The following BMS1 variants were observed in gnomAD, a reference collection of about 807,000 sequenced individuals.
BMS1 encodes the protein BMS1 ribosome biogenesis factor.
Under a neutral mutation model 138.7 loss-of-function variants are expected in BMS1, and 53 were observed. That is an observed-to-expected ratio of 0.38 (90% CI 0.31 to 0.48). The LOEUF (loss-of-function observed/expected upper bound fraction) is 0.48, where lower values mean the gene tolerates loss of function less well. BMS1 is among the 20% of genes least tolerant of loss of function. The probability of loss-of-function intolerance (pLI) is 0.97; values close to 1 mark genes in which losing one functional copy is unlikely to be tolerated. For synonymous variants in BMS1, 504 were observed against 539.9 expected (o/e 0.93, Z 0.92); for missense variants, 1,360 against 1,565.5 (o/e 0.87, Z 2.22).
In BMS1 at chr10:42,833,198, C is replaced by A. The variant is rs1223492792; in HGVS notation, c.*2102C>A. 6 of 152,158 alleles carry A rather than the reference C, an allele frequency of 3.9e-5. No homozygotes were observed. Among genetic ancestry groups the A allele is most frequent in the Admixed American group, 6.5e-5 (1 of 15,276 alleles). The allele number at this position is 152,158 out of a possible 1,614,324, so 9.4% of individuals were successfully genotyped here. On this transcript the variant is annotated 3_prime_UTR_variant, in exon 23 of 23. Coordinates refer to ENST00000374518, the MANE Select transcript of BMS1 (RefSeq NM_014753.4). ...ACTCATACCTGTTAATATTAAAAAT[C>A]TTGGTTTATCATATTTGGAGAACAA...
intron 18 of BMS1, among the ~76,000 whole-genome samples, 198 bp downstream of exon 18, chr10:42,821,190 T>C (rs547039758): frequency 5.9e-4 from 90 of 152,326 alleles, no homozygotes; most frequent in African/African-American, 2.0e-3. Context: ...AGAATTATAA[T>C]GGTACATTTC....
Position 42,820,987 on chromosome 10 carries a change from A to C in BMS1, c.3004A>C (p.Ile1002Leu). 1 of 1,581,314 alleles carries C rather than the reference A, an allele frequency of 6.3e-7. No individual in the cohort carries two copies. Among genetic ancestry groups the C allele is most frequent in the African/African-American group, 1.3e-5 (1 of 74,496 alleles). ...CTTGGCAATACAGTCTGTCAGTGGC[A>C]TAATGGTAACTATCTTGGATGATTT... is the stretch of plus-strand genomic sequence containing the variant. ...GFLAIQSVSG[I>L]MPDFRIAATG... The change falls in exon 18 of 23, where the codon ATA becomes CTA. Residue 1002 changes from isoleucine to leucine, a missense_variant. Physicochemically the swap from Ile to Leu is conservative, Grantham distance 5. Transcript: ENST00000374518.
chr10:42,789,920 T>G (rs192153314), intron 4 of BMS1, among the ~76,000 whole-genome samples: 2 of 152,358 alleles, frequency 1.3e-5, no homozygotes, highest in African/African-American at 4.8e-5. Flanking sequence ...TTTTCTGAGT[T>G]ACTTCTCATA....
intron 15 of BMS1, among the ~76,000 whole-genome samples, chr10:42,818,372 A>G (rs1842408995): frequency 6.6e-6 from 1 of 152,188 alleles, no homozygotes; most frequent in East Asian, 1.9e-4. Flanking sequence ...TCACTCTGAA[A>G]TGGGAGTCCT....
At chr10:42,796,349 T>A in intron 9 of BMS1, 125 bp from the exon 10 acceptor site, 3 of 1,136,892 alleles carry the variant, frequency 2.6e-6, no homozygotes, top group Non-Finnish European at 3.7e-6. Flanking sequence ...TTCCCTATGC[T>A]ATGTCATCTT....
At position 42,832,389 on chromosome 10, in the gene BMS1, C is replaced by G. The variant is rs952541985; in HGVS notation, c.*1293C>G. The G allele has an allele frequency of 2.7e-5, 4 of 150,386 alleles. No individual in the cohort carries two copies. The highest frequency in any genetic ancestry group is 9.8e-5 in the African/African-American group (4 of 40,618). The allele number at this position is 150,386 out of a possible 1,614,324, so 9.3% of individuals were successfully genotyped here. On this transcript the variant is annotated 3_prime_UTR_variant, in exon 23 of 23. Transcript: ENST00000374518. Reference sequence around the variant, plus strand: ...GCAGTGAGCCATGATAGCACCACTGCACTCCAGCCTGGGCGACAGGGCAAG... The same window carrying G: ...GCAGTGAGCCATGATAGCACCACTGGACTCCAGCCTGGGCGACAGGGCAAG...
intron 4 of BMS1, among the ~76,000 whole-genome samples, chr10:42,788,991 G>T (rs1841423294): frequency 6.6e-6 from 1 of 152,118 alleles, no homozygotes; most frequent in South Asian, 2.1e-4. Flanking sequence ...CCATTCTATG[G>T]AGGCACCATA....
intron 13 of BMS1, among the ~76,000 whole-genome samples, chr10:42,810,286 C>G (rs1052611625): frequency 3.9e-5 from 6 of 152,162 alleles, no homozygotes; most frequent in Non-Finnish European, 8.8e-5. Flanking sequence ...ATCCCACATA[C>G]ATGCATGAAT....
rs1039959805 is a variant in BMS1, at chr10:42,817,581, A to T, written c.2580+87A>T. The T allele has an allele frequency of 3.0e-5, 39 of 1,306,136 alleles. No homozygotes were observed. In the African/African-American group the frequency reaches 5.5e-4, roughly 18 times the overall value. The allele number at this position is 1,306,136 out of a possible 1,614,324, so 80.9% of individuals were successfully genotyped here. On this transcript the variant is annotated intron_variant, in intron 15 of 22. Transcript: ENST00000374518. ...GACTTTGTTTGGGTCCCTACGTCCT[A>T]TCCTGCTTCTGTGTATCCTGCTTCT...
In BMS1 at chr10:42,784,805, T is replaced by C. The variant is rs996367212; in HGVS notation, c.176+235T>C. ...CCAGGATACAAGAATTTATAGACTT[T>C]GTTTGTTCCTAAATTTTAAACTGTT... On this transcript the variant is annotated intron_variant, in intron 2 of 22. Transcript: ENST00000374518. 2.6e-5 allele frequency among the ~76,000 whole-genome samples: 4 copies of C among 152,238 alleles called. 1 individual carries two copies. Among genetic ancestry groups the C allele is most frequent in the Non-Finnish European group, 1.5e-5 (1 of 68,040 alleles).
rs1362387674 is a variant in BMS1, at chr10:42,833,378, A to C, written c.*2282A>C. The C allele has an allele frequency of 2.0e-5, 3 of 152,218 alleles. No individual in the cohort carries two copies. Among genetic ancestry groups the C allele is most frequent in the Non-Finnish European group, 4.4e-5 (3 of 68,032 alleles). The allele number at this position is 152,218 out of a possible 1,614,324, so 9.4% of individuals were successfully genotyped here. On this transcript the variant is annotated 3_prime_UTR_variant, in exon 23 of 23. Coordinates refer to ENST00000374518, the MANE Select transcript of BMS1 (RefSeq NM_014753.4). ...AGTAAAATACAGTCACACATCAGTTAAGGATGGGGATATATTCTGAGAAAT... is the reference window on the plus strand; with the variant it reads ...AGTAAAATACAGTCACACATCAGTTCAGGATGGGGATATATTCTGAGAAAT...
At chr10:42,811,804 G>T (rs531738440) in intron 13 of BMS1, among the ~76,000 whole-genome samples, 1 of 152,004 alleles carries the variant, frequency 6.6e-6, no homozygotes, top group East Asian at 1.9e-4. Flanking sequence ...GATTACAGGC[G>T]TGAGCCACCG....
rs553391180 is a variant in BMS1 at position 42,808,007 on chromosome 10, G to A, written c.2329+5789G>A. On this transcript the variant is annotated intron_variant, in intron 13 of 22. Coordinates refer to ENST00000374518, the MANE Select transcript of BMS1 (RefSeq NM_014753.4). ...TCTAATAGGTATGTGATATTTCATT[G>A]TGGTTTTAAGATATACTTCCCCAGT... is the stretch of plus-strand genomic sequence containing the variant. 1.5e-4 allele frequency among the ~76,000 whole-genome samples: 23 copies of A among 152,252 alleles called. 2 individuals carry two copies. In the South Asian group the frequency reaches 4.6e-3, roughly 30 times the overall value.
At chr10:42,807,522 G>A (rs1397167435) in intron 13 of BMS1, among the ~76,000 whole-genome samples, 4 of 152,132 alleles carry the variant, frequency 2.6e-5, no homozygotes, top group Non-Finnish European at 5.9e-5. Flanking sequence ...CCAGTCTGGG[G>A]TGCAGTGGTG....
chr10:42,791,519 T>TG (rs1359251525), intron 5 of BMS1, 108 bp from the exon 6 acceptor site: 1 of 1,153,908 alleles, frequency 8.7e-7, no homozygotes, highest in Non-Finnish European at 1.2e-6. Flanking sequence ...GTGGCTTTGC[T>TG]GGAAGTCTCC....
chr10:42,815,654 C>T (rs1244862568), intron 13 of BMS1, among the ~76,000 whole-genome samples: 2 of 152,142 alleles, frequency 1.3e-5, no homozygotes, highest in South Asian at 2.1e-4. Context: ...GTCTGCCTCC[C>T]GGGCCCCCAA....
intron 9 of BMS1, among the ~76,000 whole-genome samples, chr10:42,794,764 C>CTTT (rs200428735): frequency 6.8e-6 from 1 of 146,156 alleles, no homozygotes. Context: ...TCATTTCCTT[C>CTTT]TTTTTTTTTT....
intron 13 of BMS1, among the ~76,000 whole-genome samples, chr10:42,806,348 G>C (rs34081555): frequency 0.39 from 58,502 of 151,926 alleles, 12,151 homozygotes; most frequent in East Asian, 0.64. Flanking sequence ...TTGCCTTACT[G>C]CCCTGGTTTA....
chr10:42,809,201 G>A (rs1256599944), intron 13 of BMS1, among the ~76,000 whole-genome samples: 3 of 151,792 alleles, frequency 2.0e-5, no homozygotes, highest in Non-Finnish European at 2.9e-5. Flanking sequence ...ATACCAGTTG[G>A]GAATATGTTT....
Sources: allele counts gnomAD v4.1 joint callset (sites outside exome capture counted in the v4.1 genomes callset), GRCh38; gene constraint gnomAD v4.1.1; transcripts MANE v1.5; gene names NCBI Gene and HGNC (gene_info 2026-07-23, HGNC 2026-07-21).